The following NETO1 variants were observed in gnomAD, a reference collection of about 807,000 sequenced individuals.
The protein encoded by NETO1 is neuropilin and tolloid-like protein 1.
NETO1 carries 26 observed loss-of-function variants against 61.3 expected under a neutral mutation model. The ratio of observed to expected loss-of-function variants is 0.42; its 90% CI spans 0.31 to 0.59. NETO1 has a LOEUF of 0.59. Among genes scored for constraint, NETO1 ranks in the 20% least tolerant of loss-of-function variants. NETO1 has a pLI of 0.12. For missense variants in NETO1, 531 were observed against 662.8 expected, an observed-to-expected ratio of 0.80 and a Z score of 2.18; for synonymous variants, 225 against 225.8, an observed-to-expected ratio of 1.00 and a Z score of 0.03.
intron 8 of NETO1, among the ~76,000 whole-genome samples, chr18:72,753,062 A>C (rs1021767050): frequency 6.6e-6 from 1 of 152,146 alleles, no homozygotes; most frequent in Non-Finnish European, 1.5e-5. Context: ...TGGGAGTATA[A>C]GAAACAAAGG....
chr18:72,795,421 G>T (rs1258520479), intron 4 of NETO1, among the ~76,000 whole-genome samples: 1 of 152,084 alleles, frequency 6.6e-6, no homozygotes, highest in Non-Finnish European at 1.5e-5. Context: ...ATGACTATGA[G>T]TCATTAATGA....
intron 4 of NETO1, among the ~76,000 whole-genome samples, chr18:72,847,146 G>A (rs971062160): frequency 6.6e-6 from 1 of 152,216 alleles, no homozygotes; most frequent in African/African-American, 2.4e-5. Flanking sequence ...GGGGTATGAT[G>A]AATAGAAAAC....
chr18:72,792,200 T>A (rs1599007332), intron 6 of NETO1, among the ~76,000 whole-genome samples: 1 of 152,060 alleles, frequency 6.6e-6, no homozygotes, highest in Admixed American at 6.6e-5. Context: ...GGGAGGCCGA[T>A]GTGGGCAGAT....
chr18:72,767,947 G>C (rs1003923828), intron 7 of NETO1, among the ~76,000 whole-genome samples: 4 of 152,162 alleles, frequency 2.6e-5, no homozygotes, highest in African/African-American at 9.7e-5. Flanking sequence ...CTACGTTCCA[G>C]ACATACATTT....
At chr18:72,834,941 A>C in intron 4 of NETO1, 1 of 744,570 alleles carries the variant, frequency 1.3e-6, no homozygotes, top group South Asian at 6.1e-5. Flanking sequence ...CATTTAAAAT[A>C]ATATATTACA....
intron 4 of NETO1, among the ~76,000 whole-genome samples, chr18:72,819,812 T>C (rs9965773): frequency 0.34 from 51,782 of 151,932 alleles, 9,586 homozygotes; most frequent in African/African-American, 0.47. Flanking sequence ...TGAAAAAATA[T>C]ATACTTTTTA....
At chr18:72,805,587 G>A (rs2072649129) in intron 4 of NETO1, among the ~76,000 whole-genome samples, 1 of 152,182 alleles carries the variant, frequency 6.6e-6, no homozygotes, top group South Asian at 2.1e-4. Flanking sequence ...AAAACAGGCA[G>A]CACAGAGAGA....
At chr18:72,814,235 A>C (rs963868417) in intron 4 of NETO1, among the ~76,000 whole-genome samples, 1 of 152,160 alleles carries the variant, frequency 6.6e-6, no homozygotes, top group Admixed American at 6.5e-5. Flanking sequence ...CAATAATAAG[A>C]GTAAGGCAAA....
chr18:72,825,300 CT>C (rs1275565642), intron 4 of NETO1, among the ~76,000 whole-genome samples: 3 of 152,142 alleles, frequency 2.0e-5, no homozygotes, highest in Non-Finnish European at 4.4e-5. Context: ...TCTATGTCTT[CT>C]GAAGTGATTT....
intron 4 of NETO1, among the ~76,000 whole-genome samples, chr18:72,831,060 G>T (rs1484220): frequency 6.6e-6 from 1 of 151,834 alleles, no homozygotes; most frequent in Non-Finnish European, 1.5e-5. Flanking sequence ...ATACTTCACT[G>T]TGCTCTTCTG....
Position 72,744,939 on chromosome 18 carries a change from A to G in NETO1, c.*3240T>C, listed in dbSNP as rs899660603. The G allele has an allele frequency of 6.6e-6, 1 of 152,202 alleles. No homozygotes were observed. Among genetic ancestry groups the G allele is most frequent in the Non-Finnish European group, 1.5e-5 (1 of 68,038 alleles). The allele number at this position is 152,202 out of a possible 1,614,324, so 9.4% of individuals were successfully genotyped here. A position where few individuals can be genotyped will look rare whatever the true frequency, so the allele number is the denominator to read the frequency against. ...CGAATTAAATTCCTAAGGGAAAAAT[A>G]CAGAAAAAAATGATACAGAAGCTTA... On this transcript the variant is annotated 3_prime_UTR_variant, in exon 11 of 11. Coordinates refer to ENST00000327305, the MANE Select transcript of NETO1 (RefSeq NM_138966.5).
At chr18:72,780,774 G>A (rs1156696937) in intron 7 of NETO1, among the ~76,000 whole-genome samples, 2 of 152,052 alleles carry the variant, frequency 1.3e-5, no homozygotes, top group Non-Finnish European at 2.9e-5. Flanking sequence ...GTGTGAGGTA[G>A]TTATCACATT....
At chr18:72,785,756 C>T (rs1032104) in intron 6 of NETO1, among the ~76,000 whole-genome samples, 52,170 of 151,970 alleles carry the variant, frequency 0.34, 9,287 homozygotes, top group Admixed American at 0.47. Context: ...ACATTATAAC[C>T]ATTTTCAAAA....
Position 72,867,395 on chromosome 18 carries a change from C to A in NETO1, c.-104G>T. 1.2e-6 allele frequency: 1 copy of A among 844,486 alleles called. No individual in the cohort carries two copies. Among genetic ancestry groups the A allele is most frequent in the Non-Finnish European group, 1.7e-6 (1 of 580,140 alleles). The allele number at this position is 844,486 out of a possible 1,614,324, so 52.3% of individuals were successfully genotyped here. On this transcript the variant is annotated 5_prime_UTR_variant, in exon 1 of 11. Transcript: ENST00000327305. ...ACAGGGTCGAGAGGTGTTAAAGACG[C>A]AAAGCAAGAAGGAAATAAAGGGGGG...
chr18:72,792,443 C>T (rs1295231003), intron 6 of NETO1, among the ~76,000 whole-genome samples: 1 of 151,714 alleles, frequency 6.6e-6, no homozygotes, highest in African/African-American at 2.4e-5. Flanking sequence ...TAAAAAACAA[C>T]AAAAACGGTG....
At chr18:72,831,410 G>T (rs1373405943) in intron 4 of NETO1, among the ~76,000 whole-genome samples, 2 of 152,122 alleles carry the variant, frequency 1.3e-5, no homozygotes, top group African/African-American at 4.8e-5. Context: ...TCAAATGAAA[G>T]ATGTAGCAAT....
intron 7 of NETO1, among the ~76,000 whole-genome samples, chr18:72,766,213 A>T (rs2071150381): frequency 2.3e-5 from 2 of 86,956 alleles, no homozygotes; most frequent in South Asian, 5.3e-4. Context: ...CTCAGAAAAA[A>T]AAAAATATGT....
At chr18:72,846,722 C>T (rs1029670367) in intron 4 of NETO1, among the ~76,000 whole-genome samples, 2 of 151,828 alleles carry the variant, frequency 1.3e-5, no homozygotes, top group Non-Finnish European at 2.9e-5. Context: ...GTCGTGTGCA[C>T]GTGCAAAAAA....
intron 3 of NETO1, among the ~76,000 whole-genome samples, chr18:72,862,645 G>C (rs2074612063): frequency 8.0e-6 from 1 of 124,560 alleles, no homozygotes. Flanking sequence ...TTTTGAGACA[G>C]AGTCTCGCTC....
Sources: gnomAD v4.1 joint callset for allele counts (sites outside exome capture counted in the v4.1 genomes callset) on GRCh38, gnomAD v4.1.1 for gene constraint, MANE v1.5 for transcripts, NCBI Gene and HGNC (gene_info 2026-07-23, HGNC 2026-07-21) for gene names.